DYRK1A: variants seen among roughly 807,000 people sequenced by gnomAD.
DYRK1A encodes the protein dual specificity tyrosine-phosphorylation-regulated kinase 1A.
DYRK1A carries 9 observed loss-of-function variants against 79.7 expected under a neutral mutation model. That is an observed-to-expected ratio of 0.11 (90% CI 0.07 to 0.20). The LOEUF (loss-of-function observed/expected upper bound fraction) is 0.20. DYRK1A is among the 10% of genes least tolerant of loss of function. The pLI, the probability that DYRK1A is intolerant of heterozygous loss-of-function variation, is 1.00. For synonymous variants in DYRK1A, 349 were observed against 329.7 expected (o/e 1.06, Z -0.63); for missense variants, 622 against 956.0 (o/e 0.65, Z 4.61).
chr21:37,401,345 CGTGT>C (rs1243720839), intron 1 of DYRK1A, among the ~76,000 whole-genome samples: 2 of 151,894 alleles, frequency 1.3e-5, no homozygotes, highest in East Asian at 3.9e-4. Flanking sequence ...TGAACATAAA[CGTGT>C]GTATTAATTT....
chr21:37,472,632 A>G (rs1044452102), intron 2 of DYRK1A, 52 bp from the exon 3 acceptor site: 11 of 1,403,278 alleles, frequency 7.8e-6, no homozygotes, highest in Non-Finnish European at 1.1e-5. Context: ...GTCAAATGAT[A>G]CAAACATTAG....
intron 1 of DYRK1A, among the ~76,000 whole-genome samples, chr21:37,391,277 C>G (rs1161199496): frequency 1.3e-5 from 2 of 152,148 alleles, no homozygotes; most frequent in Non-Finnish European, 2.9e-5. Flanking sequence ...TGTTCGTCCT[C>G]TTTCCAGGTT....
intron 1 of DYRK1A, among the ~76,000 whole-genome samples, chr21:37,385,765 A>G (rs2148377611): frequency 6.6e-6 from 1 of 152,312 alleles, no homozygotes; most frequent in African/African-American, 2.4e-5. Context: ...AAGCACTTTT[A>G]GTATTACCAT....
At chr21:37,442,232 T>C (rs1298612079) in intron 2 of DYRK1A, among the ~76,000 whole-genome samples, 2 of 152,132 alleles carry the variant, frequency 1.3e-5, no homozygotes, top group Non-Finnish European at 2.9e-5. Flanking sequence ...GTTGAACTTT[T>C]AGATCTATGG....
At chr21:37,425,658 C>T (rs1249130556) in intron 2 of DYRK1A, 3 of 152,140 alleles carry the variant, frequency 2.0e-5, no homozygotes, top group African/African-American at 7.2e-5. Context: ...GACAACAGAA[C>T]ATAGTTTTAA....
upstream of DYRK1A, chr21:37,366,259 T>TCCTCCCCCTCCC (rs1200433046): frequency 6.5e-4 from 96 of 146,762 alleles, no homozygotes; most frequent in African/African-American, 2.1e-3. Context: ...GCGCCCCTCC[T>TCCTCCCCCTCCC]CCTCCCCCTC....
chr21:37,507,807 C>T (rs2053640863), intron 11 of DYRK1A, among the ~76,000 whole-genome samples: 1 of 152,102 alleles, frequency 6.6e-6, no homozygotes, highest in Admixed American at 6.6e-5. Context: ...ATTTCAGCCA[C>T]ACCTGCCAGG....
rs1428953335 is a variant in DYRK1A at position 37,515,482 on chromosome 21, C to G, written c.*2951C>G. 1 of 152,088 alleles carries G rather than the reference C, an allele frequency of 6.6e-6. No individual in the cohort carries two copies. The highest frequency in any genetic ancestry group is 1.9e-4 in the East Asian group (1 of 5,190). The allele number at this position is 152,088 out of a possible 1,614,324, so 9.4% of individuals were successfully genotyped here. ...TAGCATTTCGACTGGATGTGAGGGT[C>G]TGATGGTTTTCTCTGATATGCTTTG... On this transcript the variant is annotated 3_prime_UTR_variant, in exon 12 of 12. Coordinates refer to ENST00000647188, the MANE Select transcript of DYRK1A (RefSeq NM_001347721.2).
rs1315856426 is a variant in DYRK1A, at chr21:37,517,780, A to C, written c.*5249A>C. On this transcript the variant is annotated 3_prime_UTR_variant, in exon 12 of 12. Coordinates refer to ENST00000647188, the MANE Select transcript of DYRK1A (RefSeq NM_001347721.2). ...ATGAATTTGGAATCATCATCCACTC[A>C]CTGTTGGACAGAAAGACTGCAGAGA... 1 of 152,250 alleles carries C rather than the reference A, an allele frequency of 6.6e-6. No individual in the cohort carries two copies. The highest frequency in any genetic ancestry group is 1.5e-5 in the Non-Finnish European group (1 of 68,064). 9.4% of individuals were successfully genotyped at this position (152,250 alleles called of 1,614,324 possible). A position where few individuals can be genotyped will look rare whatever the true frequency, so the allele number is the denominator to read the frequency against.
At chr21:37,423,586 TTTA>T (rs1226182557) in intron 2 of DYRK1A, among the ~76,000 whole-genome samples, 1 of 152,110 alleles carries the variant, frequency 6.6e-6, no homozygotes, top group African/African-American at 2.4e-5. Context: ...TCCCCTCCCT[TTTA>T]TTTTTGATTT....
At chr21:37,406,438 G>A (rs1391177325) in intron 1 of DYRK1A, among the ~76,000 whole-genome samples, 1 of 152,158 alleles carries the variant, frequency 6.6e-6, no homozygotes, top group African/African-American at 2.4e-5. Context: ...GCTCAAGTCT[G>A]TAATCCTAGT....
intron 1 of DYRK1A, among the ~76,000 whole-genome samples, chr21:37,406,501 G>C (rs1341165106): frequency 6.6e-6 from 1 of 152,050 alleles, no homozygotes; most frequent in Non-Finnish European, 1.5e-5. Context: ...TTTGAGACCA[G>C]TGTGGTGAAC....
At chr21:37,369,558 C>T (rs1328072112) in intron 1 of DYRK1A, among the ~76,000 whole-genome samples, 1 of 152,238 alleles carries the variant, frequency 6.6e-6, no homozygotes, top group Non-Finnish European at 1.5e-5. Context: ...AATGTCTACA[C>T]CTAGTTCTCT....
chr21:37,468,433 G>A (rs1346548288), intron 2 of DYRK1A, among the ~76,000 whole-genome samples: 1 of 152,164 alleles, frequency 6.6e-6, no homozygotes, highest in Non-Finnish European at 1.5e-5. Flanking sequence ...AAGAAGAACA[G>A]AATTTCCTGT....
intron 1 of DYRK1A, among the ~76,000 whole-genome samples, chr21:37,376,440 C>T (rs900555705): frequency 4.6e-5 from 7 of 152,060 alleles, no homozygotes; most frequent in African/African-American, 1.7e-4. Context: ...ACCCTGGAAG[C>T]GGACGTTGCA....
At chr21:37,492,884 T>TG in intron 7 of DYRK1A, 133 bp from the exon 8 acceptor site, 1 of 652,946 alleles carries the variant, frequency 1.5e-6, no homozygotes, top group Non-Finnish European at 2.5e-6. Flanking sequence ...AGTCTAATGT[T>TG]GAAGTTAATC....
At chr21:37,426,632 C>G (rs894752051) in intron 2 of DYRK1A, among the ~76,000 whole-genome samples, 1 of 151,616 alleles carries the variant, frequency 6.6e-6, no homozygotes, top group Non-Finnish European at 1.5e-5. Flanking sequence ...AATAACCAGC[C>G]GGGTGTGGTG....
chr21:37,417,521 T>TTCTTTC, intron 1 of DYRK1A, among the ~76,000 whole-genome samples: 1 of 69,648 alleles, frequency 1.4e-5, no homozygotes, highest in Non-Finnish European at 2.8e-5. Context: ...CTTTTTCTTT[T>TTCTTTC]TCTTTTTCTT....
At position 37,490,197 on chromosome 21, in the gene DYRK1A, G is replaced by A. The variant is rs1475520186; in HGVS notation, c.660G>A (p.Met220Ile). The A allele has an allele frequency of 1.2e-6, 2 of 1,612,872 alleles. No individual in the cohort carries two copies. The highest frequency in any genetic ancestry group is 2.2e-5 in the South Asian group (2 of 90,960). ...CAGTGCATTTGAAACGCCACTTTAT[G>A]TTTCGAAACCATCTCTGTTTAGTTT... is the stretch of plus-strand genomic sequence containing the variant. ...YYIVHLKRHFMFRNHLCLVFE... is the reference protein window; with the variant it reads ...YYIVHLKRHFIFRNHLCLVFE... Residue 220 changes from methionine (M) to isoleucine (I), a missense_variant, in exon 7 of 12, where the codon ATG becomes ATA. Around this residue, in one of 5 missense-constraint regions of DYRK1A, gnomAD observed 138 missense variants for 346.4 expected, o/e 0.40. Coordinates refer to ENST00000647188, the MANE Select transcript of DYRK1A (RefSeq NM_001347721.2).
Sources: gnomAD v4.1 joint callset for allele counts (sites outside exome capture counted in the v4.1 genomes callset) on GRCh38, gnomAD v4.1.1 for gene constraint, gnomAD v4.1.1 regional missense constraint, MANE v1.5 for transcripts, NCBI Gene and HGNC (gene_info 2026-07-23, HGNC 2026-07-21) for gene names.